Variants in PEAK1 observed in about 807,000 individuals in gnomAD.
PEAK1 encodes the protein pseudopodium enriched atypical kinase 1, also known as inactive tyrosine-protein kinase PEAK1.
Under a neutral mutation model 124.7 loss-of-function variants are expected in PEAK1, and 54 were observed. That is an observed-to-expected ratio of 0.43 (90% CI 0.35 to 0.54). PEAK1 has a LOEUF of 0.54. PEAK1 is among the 20% of genes least tolerant of loss of function. The pLI, the probability that PEAK1 is intolerant of heterozygous loss-of-function variation, is 0.01. For missense variants in PEAK1, 2,046 were observed against 2,134.5 expected, an observed-to-expected ratio of 0.96 and a Z score of 0.82; for synonymous variants, 719 against 760.0, an observed-to-expected ratio of 0.95 and a Z score of 0.89.
intron 8 of PEAK1, among the ~76,000 whole-genome samples, chr15:77,135,470 G>A (rs1182306917): frequency 6.6e-6 from 1 of 152,174 alleles, no homozygotes; most frequent in Non-Finnish European, 1.5e-5. Flanking sequence ...TACACACCTA[G>A]GCCATATGGT....
At chr15:77,177,611 G>T (rs1040424354) in intron 7 of PEAK1, among the ~76,000 whole-genome samples, 14 of 151,968 alleles carry the variant, frequency 9.2e-5, no homozygotes, top group African/African-American at 3.4e-4. Flanking sequence ...AAGAAGGGCA[G>T]GCCCTTCTTT....
intron 6 of PEAK1, among the ~76,000 whole-genome samples, chr15:77,189,133 G>C (rs558708553): frequency 6.6e-6 from 1 of 152,146 alleles, no homozygotes; most frequent in East Asian, 1.9e-4. Flanking sequence ...CCTGGGAGGG[G>C]GAGGTTGCAG....
intron 8 of PEAK1, among the ~76,000 whole-genome samples, chr15:77,140,326 A>G (rs557086385): frequency 6.6e-6 from 1 of 151,784 alleles, no homozygotes; most frequent in Non-Finnish European, 1.5e-5. Flanking sequence ...ATGAATACAG[A>G]TGTGAAAATC....
At chr15:77,304,511 C>T (rs1180872720) in intron 2 of PEAK1, among the ~76,000 whole-genome samples, 1 of 140,582 alleles carries the variant, frequency 7.1e-6, no homozygotes, top group African/African-American at 2.6e-5. Context: ...TAAAGTGGCG[C>T]GATCTCTGCT....
intron 2 of PEAK1, among the ~76,000 whole-genome samples, chr15:77,341,792 A>G (rs953655399): frequency 1.3e-5 from 2 of 152,174 alleles, no homozygotes; most frequent in Non-Finnish European, 2.9e-5. Context: ...CCATGTAAAA[A>G]AGTCTAAGAC....
chr15:77,279,097 G>A (rs2062512264), intron 5 of PEAK1, among the ~76,000 whole-genome samples: 2 of 108,918 alleles, frequency 1.8e-5, no homozygotes, highest in Admixed American at 9.3e-5. Flanking sequence ...CAAGGTGCTC[G>A]TGTGTGCGTG....
chr15:77,250,161 A>T (rs975613467), intron 6 of PEAK1, among the ~76,000 whole-genome samples: 1 of 142,386 alleles, frequency 7.0e-6, no homozygotes. Context: ...ATATACATAT[A>T]TATACATATA....
intron 2 of PEAK1, among the ~76,000 whole-genome samples, chr15:77,327,679 C>G (rs1228380575): frequency 2.0e-5 from 3 of 151,112 alleles, no homozygotes; most frequent in Non-Finnish European, 4.4e-5. Flanking sequence ...TAACGTGAAC[C>G]CTGAAAAACT....
intron 1 of PEAK1, among the ~76,000 whole-genome samples, chr15:77,391,316 AT>A (rs1471038433): frequency 6.6e-6 from 1 of 152,030 alleles, no homozygotes; most frequent in Admixed American, 6.6e-5. Flanking sequence ...ATTCAACAGT[AT>A]TTACTGCAAG....
intron 1 of PEAK1, among the ~76,000 whole-genome samples, chr15:77,407,047 T>C (rs1409111430): frequency 3.3e-5 from 5 of 152,168 alleles, no homozygotes; most frequent in South Asian, 2.1e-4. Flanking sequence ...CAACAAATGG[T>C]GCGGGGTAAT....
At chr15:77,346,395 A>C (rs1341308210) in intron 2 of PEAK1, 1 of 984,198 alleles carries the variant, frequency 1.0e-6, no homozygotes, top group Non-Finnish European at 1.2e-6. Context: ...AATGTTTATG[A>C]GAAGGCAATT....
At chr15:77,148,588 C>T (rs1428349699) in intron 8 of PEAK1, among the ~76,000 whole-genome samples, 4 of 152,082 alleles carry the variant, frequency 2.6e-5, no homozygotes, top group Non-Finnish European at 4.4e-5. Flanking sequence ...ATCCGTTCCA[C>T]TTTACATTTT....
chr15:77,149,346 A>G (rs2054405678), intron 8 of PEAK1, among the ~76,000 whole-genome samples: 1 of 152,230 alleles, frequency 6.6e-6, no homozygotes, highest in Non-Finnish European at 1.5e-5. Flanking sequence ...AAAGAAACAA[A>G]GAAAAGAAAA....
intron 1 of PEAK1, chr15:77,419,010 G>A (rs780503653): frequency 9.3e-5 from 92 of 984,914 alleles, no homozygotes; most frequent in Non-Finnish European, 7.5e-5. Flanking sequence ...ATTCAACAGA[G>A]GCAGAAAAAA....
chr15:77,370,066 T>C (rs1429698736), intron 1 of PEAK1, among the ~76,000 whole-genome samples: 1 of 152,180 alleles, frequency 6.6e-6, no homozygotes, highest in Non-Finnish European at 1.5e-5. Flanking sequence ...GATCATTTCC[T>C]ATTCTCCCCA....
At chr15:77,209,547 C>A (rs80183553) in intron 6 of PEAK1, among the ~76,000 whole-genome samples, 1 of 152,104 alleles carries the variant, frequency 6.6e-6, no homozygotes, top group South Asian at 2.1e-4. Flanking sequence ...CAGCAGAGAA[C>A]TTTCTGGACT....
intron 2 of PEAK1, among the ~76,000 whole-genome samples, chr15:77,326,549 T>C (rs111425697): frequency 0.01 from 1,560 of 152,262 alleles, 31 homozygotes; most frequent in African/African-American, 0.036. Context: ...GCACTTTCCA[T>C]CTGATGACAG....
At chr15:77,348,356 A>G (rs2066999481) in intron 2 of PEAK1, 2 of 889,110 alleles carry the variant, frequency 2.2e-6, no homozygotes, top group Admixed American at 1.2e-4. Context: ...AAAACAGGTT[A>G]AATTTAAAGG....
At chr15:77,245,783 T>C (rs1377331632) in intron 6 of PEAK1, among the ~76,000 whole-genome samples, 9 of 152,196 alleles carry the variant, frequency 5.9e-5, no homozygotes, top group Non-Finnish European at 1.3e-4. Context: ...ATTGAACATA[T>C]GTGTGTATCT....
Sources: gnomAD v4.1 joint callset for allele counts (sites outside exome capture counted in the v4.1 genomes callset) on GRCh38, gnomAD v4.1.1 for gene constraint, MANE v1.5 for transcripts, NCBI Gene and HGNC (gene_info 2026-07-23, HGNC 2026-07-21) for gene names.